RBPJ: variants seen among roughly 807,000 people sequenced by gnomAD.
RBPJ encodes recombining binding protein suppressor of hairless.
A neutral mutation model predicts 67.8 loss-of-function variants in RBPJ; 9 were observed. The observed-to-expected ratio is 0.13, with a 90% CI of 0.08 to 0.23. The LOEUF (loss-of-function observed/expected upper bound fraction) is 0.23. Among genes scored for constraint, RBPJ ranks in the 10% least tolerant of loss-of-function variants. The pLI is 1.00. For synonymous variants in RBPJ, 198 were observed against 203.3 expected, an observed-to-expected ratio of 0.97 and a Z score of 0.22; for missense variants, 305 against 595.6, an observed-to-expected ratio of 0.51 and a Z score of 5.08.
intron 3 of RBPJ, among the ~76,000 whole-genome samples, chr4:26,413,217 T>A (rs568933675): frequency 8.3e-4 from 127 of 152,288 alleles, no homozygotes; most frequent in African/African-American, 2.8e-3. Context: ...TCTGAGAACC[T>A]TTGCACTGGC....
At chr4:26,207,666 A>G (rs1718217094) in intron 1 of RBPJ, among the ~76,000 whole-genome samples, 1 of 152,218 alleles carries the variant, frequency 6.6e-6, no homozygotes, top group Admixed American at 6.5e-5. Context: ...CAGAGAAGCA[A>G]TGCCTGCCCT....
intron 1 of RBPJ, among the ~76,000 whole-genome samples, chr4:26,333,347 G>C (rs1289393736): frequency 6.6e-6 from 1 of 152,180 alleles, no homozygotes; most frequent in Admixed American, 6.5e-5. Context: ...CTAACACTTT[G>C]TTGAATATCT....
At chr4:26,334,194 C>T (rs1163607888) in intron 1 of RBPJ, among the ~76,000 whole-genome samples, 4 of 152,042 alleles carry the variant, frequency 2.6e-5, no homozygotes, top group African/African-American at 9.7e-5. Flanking sequence ...GCGCCCACCA[C>T]AATGCCCAGC....
intron 2 of RBPJ, among the ~76,000 whole-genome samples, chr4:26,401,181 C>T (rs1732755846): frequency 6.6e-6 from 1 of 152,200 alleles, no homozygotes; most frequent in Non-Finnish European, 1.5e-5. Flanking sequence ...CCCCCTGCCC[C>T]CACCACCAAT....
rs572888665 is a variant in RBPJ, at chr4:26,215,421, G to A, written c.-167+51807G>A. Among the ~76,000 whole-genome samples the A allele has an allele frequency of 2.1e-3, 243 of 117,998 alleles. 7 individuals carry two copies. The highest frequency in any genetic ancestry group is 9.0e-3 in the African/African-American group (219 of 24,390). The allele number at this position is 117,998 out of a possible 152,430, so 77.4% of individuals were successfully genotyped here. A position where few individuals can be genotyped will look rare whatever the true frequency, so the allele number is the denominator to read the frequency against. ...AGGAAGGGGGGGGAAGGAAGGAAGGGAGGGAGGGAAGGGGACGACTACATC... is the reference window on the plus strand; with the variant it reads ...AGGAAGGGGGGGGAAGGAAGGAAGGAAGGGAGGGAAGGGGACGACTACATC... On this transcript the variant is annotated intron_variant, in intron 1 of 4. Coordinates refer to the RBPJ transcript ENST00000512351.
At chr4:26,231,350 CAT>C (rs909439223) in intron 1 of RBPJ, among the ~76,000 whole-genome samples, 1 of 151,908 alleles carries the variant, frequency 6.6e-6, no homozygotes. Context: ...AAATCTAGAA[CAT>C]ATGATCCAAA....
chr4:26,166,589 T>G (rs1716312954), intron 1 of RBPJ, among the ~76,000 whole-genome samples: 1 of 152,022 alleles, frequency 6.6e-6, no homozygotes, highest in South Asian at 2.1e-4. Context: ...TGTAAATTTG[T>G]TTGAGTTCAT....
intron 1 of RBPJ, among the ~76,000 whole-genome samples, chr4:26,201,267 C>T (rs982981446): frequency 3.8e-4 from 57 of 151,954 alleles, no homozygotes; most frequent in Non-Finnish European, 1.5e-4. Context: ...AATTGTGGTC[C>T]CAAACTTGTG....
At chr4:26,217,452 A>G (rs1285484570) in intron 1 of RBPJ, among the ~76,000 whole-genome samples, 1 of 152,022 alleles carries the variant, frequency 6.6e-6, no homozygotes, top group Non-Finnish European at 1.5e-5. Context: ...GGTTGCTGCA[A>G]GTATTCTCAT....
At chr4:26,425,654 G>A (rs1482466284) in intron 7 of RBPJ, among the ~76,000 whole-genome samples, 1 of 152,092 alleles carries the variant, frequency 6.6e-6, no homozygotes, top group Non-Finnish European at 1.5e-5. Context: ...AACTACTTTT[G>A]TTAGTAAAAT....
At chr4:26,382,517 C>T (rs1030639979) in intron 1 of RBPJ, among the ~76,000 whole-genome samples, 1 of 152,034 alleles carries the variant, frequency 6.6e-6, no homozygotes, top group Non-Finnish European at 1.5e-5. Flanking sequence ...ATTGTGACCT[C>T]GGAATTATGT....
At chr4:26,196,476 TA>T (rs907999270) in intron 1 of RBPJ, among the ~76,000 whole-genome samples, 4 of 152,134 alleles carry the variant, frequency 2.6e-5, no homozygotes, top group Non-Finnish European at 4.4e-5. Context: ...GGATTCCTTT[TA>T]GGGGTGATTC....
rs115621830 is a variant in RBPJ at position 26,392,006 on chromosome 4, A to T, written c.59+5615A>T. On this transcript the variant is annotated intron_variant, in intron 2 of 10. Transcript: ENST00000355476. ...TATGTGTCCTCACATGGCAGGAGGG[A>T]CAAGGGCACTGATCCTATTCTTGAA... Among the ~76,000 whole-genome samples, 419 of 152,254 alleles carry T rather than the reference A, an allele frequency of 2.8e-3. 2 individuals are homozygous for T. Among genetic ancestry groups the T allele is most frequent in the African/African-American group, 9.7e-3 (402 of 41,548 alleles).
intron 1 of RBPJ, among the ~76,000 whole-genome samples, chr4:26,270,868 C>T (rs558209648): frequency 6.6e-6 from 1 of 152,076 alleles, no homozygotes; most frequent in African/African-American, 2.4e-5. Flanking sequence ...TAAAATCCGC[C>T]TCCCCCCCAC....
At chr4:26,126,707 C>G in the RBPJ span, among the ~76,000 whole-genome samples, 1 of 152,210 alleles carries the variant, frequency 6.6e-6, no homozygotes, top group Admixed American at 6.5e-5. Context: ...AGCATTGGTT[C>G]TGTGGGTTGT....
At chr4:26,114,456 CAAAA>C in the RBPJ span, among the ~76,000 whole-genome samples, 1 of 90,986 alleles carries the variant, frequency 1.1e-5, no homozygotes, top group Non-Finnish European at 2.4e-5. Flanking sequence ...AGACTCCTCT[CAAAA>C]AAAAAAAAAA....
the RBPJ span, among the ~76,000 whole-genome samples, chr4:26,158,198 C>T: frequency 6.6e-6 from 1 of 152,024 alleles, no homozygotes; most frequent in African/African-American, 2.4e-5. Flanking sequence ...GCCCTGCTAC[C>T]TTGGCCATAG....
chr4:26,303,945 C>A (rs1037614451), intron 1 of RBPJ, among the ~76,000 whole-genome samples: 2 of 152,180 alleles, frequency 1.3e-5, no homozygotes, highest in African/African-American at 4.8e-5. Flanking sequence ...ATAGTATATT[C>A]AGAGTTGTGC....
At chr4:26,319,535 A>G (rs556397614), upstream of RBPJ, 249 of 191,772 alleles carry the variant, frequency 1.3e-3, no homozygotes, top group African/African-American at 5.7e-3. Flanking sequence ...CGGCGCCCGG[A>G]GCTGGTCTAG....
Sources: allele counts gnomAD v4.1 joint callset (sites outside exome capture counted in the v4.1 genomes callset), GRCh38; gene constraint gnomAD v4.1.1; transcripts MANE v1.5; gene names NCBI Gene and HGNC (gene_info 2026-07-23, HGNC 2026-07-21).